Variants in FSTL5 observed in about 807,000 individuals in gnomAD.
FSTL5 encodes the protein follistatin-related protein 5.
Under a neutral mutation model 89.1 loss-of-function variants are expected in FSTL5, and 62 were observed. The observed-to-expected ratio is 0.70, with a 90% CI of 0.57 to 0.86. FSTL5 has a LOEUF of 0.86. FSTL5 is among the 40% of genes least tolerant of loss of function. The pLI, the probability that FSTL5 is intolerant of heterozygous loss-of-function variation, is 0.00. For synonymous variants in FSTL5, 383 were observed against 346.2 expected (o/e 1.11, Z -1.18); for missense variants, 1,057 against 1,001.6 (o/e 1.06, Z -0.75).
chr4:161,903,239 T>C (rs1733422974), intron 4 of FSTL5, among the ~76,000 whole-genome samples: 1 of 152,152 alleles, frequency 6.6e-6, no homozygotes, highest in Admixed American at 6.5e-5. Context: ...TTTTAGCACA[T>C]TTTAAAAGAC....
At chr4:161,400,099 C>T (rs1018757064) in intron 15 of FSTL5, among the ~76,000 whole-genome samples, 5 of 151,878 alleles carry the variant, frequency 3.3e-5, no homozygotes, top group Admixed American at 6.6e-5. Context: ...CTAGACTACA[C>T]GGTTGTTCTG....
At chr4:161,525,361 A>C (rs1731181009) in intron 10 of FSTL5, among the ~76,000 whole-genome samples, 1 of 152,160 alleles carries the variant, frequency 6.6e-6, no homozygotes, top group Non-Finnish European at 1.5e-5. Context: ...CTAACAATAA[A>C]AGCTCTTGTC....
intron 2 of FSTL5, among the ~76,000 whole-genome samples, chr4:162,093,677 C>T (rs1043870854): frequency 1.2e-4 from 19 of 152,146 alleles, no homozygotes; most frequent in African/African-American, 4.3e-4. Flanking sequence ...AACTGGTAAT[C>T]ACTATGTTTC....
chr4:161,658,471 A>G (rs896844979), intron 6 of FSTL5, among the ~76,000 whole-genome samples: 1 of 152,024 alleles, frequency 6.6e-6, no homozygotes, highest in Non-Finnish European at 1.5e-5. Flanking sequence ...AAAAAAAAAA[A>G]TAGGGAATAT....
intron 6 of FSTL5, among the ~76,000 whole-genome samples, chr4:161,684,298 G>A (rs1227111837): frequency 1.3e-5 from 2 of 152,108 alleles, no homozygotes; most frequent in Admixed American, 1.3e-4. Context: ...ACCCAGTAGT[G>A]GGATTGCTGG....
intron 6 of FSTL5, among the ~76,000 whole-genome samples, chr4:161,681,441 G>A (rs1038095539): frequency 2.0e-5 from 3 of 152,006 alleles, no homozygotes; most frequent in Non-Finnish European, 4.4e-5. Context: ...TATTTTCCAT[G>A]ATTGTCATTA....
chr4:161,981,550 T>C (rs1178662915), intron 3 of FSTL5, among the ~76,000 whole-genome samples: 2 of 152,164 alleles, frequency 1.3e-5, no homozygotes, highest in Non-Finnish European at 2.9e-5. Context: ...ATTGACCATA[T>C]TTCTCCCATA....
At chr4:162,115,795 TCCGCA>T (rs1409555057) in intron 1 of FSTL5, among the ~76,000 whole-genome samples, 1 of 152,198 alleles carries the variant, frequency 6.6e-6, no homozygotes, top group Admixed American at 6.5e-5. Flanking sequence ...TTTTATTTTC[TCCGCA>T]TGGCAAAACA....
chr4:161,420,599 A>G (rs1181673374), intron 15 of FSTL5, among the ~76,000 whole-genome samples: 2 of 151,804 alleles, frequency 1.3e-5, no homozygotes, highest in Non-Finnish European at 1.5e-5. Flanking sequence ...AAAAGCCAAT[A>G]CCTGATAATA....
chr4:161,634,529 T>G (rs977158277), intron 7 of FSTL5, among the ~76,000 whole-genome samples: 23 of 152,100 alleles, frequency 1.5e-4, no homozygotes, highest in African/African-American at 5.6e-4. Context: ...GAAAATACAG[T>G]ATAAATATTA....
At chr4:161,570,704 A>C (rs115729073) in intron 8 of FSTL5, among the ~76,000 whole-genome samples, 5,415 of 152,302 alleles carry the variant, frequency 0.036, 321 homozygotes, top group African/African-American at 0.12. Context: ...AAGAAAGACA[A>C]AGAACACTAA....
Position 161,703,102 on chromosome 4 carries a change from C to G in FSTL5, c.728-46608G>C, listed in dbSNP as rs376800860. ...GGACGCAGAGAGAGAGGGTCATCTACAAGCAAAGGAGAGAGGCCTCAGGAG... is the reference window on the plus strand; with the variant it reads ...GGACGCAGAGAGAGAGGGTCATCTAGAAGCAAAGGAGAGAGGCCTCAGGAG... On this transcript the variant is annotated intron_variant, in intron 6 of 15. Coordinates refer to ENST00000306100, the MANE Select transcript of FSTL5 (RefSeq NM_020116.5). Among the ~76,000 whole-genome samples the G allele has an allele frequency of 5.4e-4, 82 of 152,170 alleles. 1 individual carries two copies. The highest frequency in any genetic ancestry group is 6.2e-4 in the South Asian group (3 of 4,832).
At chr4:161,726,624 T>C (rs556733094) in intron 6 of FSTL5, among the ~76,000 whole-genome samples, 3 of 152,122 alleles carry the variant, frequency 2.0e-5, no homozygotes, top group South Asian at 4.1e-4. Flanking sequence ...TTACAGGGGT[T>C]TTAACTGTAT....
At chr4:161,401,415 T>C (rs952940973) in intron 15 of FSTL5, among the ~76,000 whole-genome samples, 1 of 152,252 alleles carries the variant, frequency 6.6e-6, no homozygotes, top group African/African-American at 2.4e-5. Context: ...TGTGTGATTA[T>C]GCTAAATCCA....
chr4:161,458,188 T>A (rs1733432608), intron 14 of FSTL5, among the ~76,000 whole-genome samples: 1 of 152,180 alleles, frequency 6.6e-6, no homozygotes, highest in South Asian at 2.1e-4. Context: ...TGCTCCCAGA[T>A]CACATCAGCA....
intron 3 of FSTL5, among the ~76,000 whole-genome samples, chr4:161,928,949 C>T (rs1034014390): frequency 6.6e-6 from 1 of 151,692 alleles, no homozygotes; most frequent in Admixed American, 6.6e-5. Flanking sequence ...GTTATTGTAA[C>T]TAAAATGTCT....
At chr4:161,772,091 A>T (rs546720607) in intron 5 of FSTL5, among the ~76,000 whole-genome samples, 1 of 152,150 alleles carries the variant, frequency 6.6e-6, no homozygotes, top group African/African-American at 2.4e-5. Flanking sequence ...TTTCTCAAAT[A>T]GACAGGCCTC....
Position 161,417,430 on chromosome 4 carries a change from A to C in FSTL5, c.1842-30981T>G, listed in dbSNP as rs78062532. On this transcript the variant is annotated intron_variant, in intron 15 of 15. Transcript: ENST00000306100. The stretch of plus-strand genomic sequence containing the variant: ...GTAATGTCACCTTACATTTCAGCTA[A>C]ATTTATAGAGTTGCTATTTTATTTA... 3.5e-3 allele frequency among the ~76,000 whole-genome samples: 530 copies of C among 152,328 alleles called. 13 individuals are homozygous for C. In the East Asian group the frequency reaches 0.054, roughly 16 times the overall value.
intron 3 of FSTL5, among the ~76,000 whole-genome samples, chr4:161,964,653 G>T (rs963818127): frequency 4.5e-4 from 69 of 151,984 alleles, no homozygotes; most frequent in African/African-American, 1.7e-3. Context: ...GGTTTATGGT[G>T]TTCTTTCATG....
Sources: allele counts gnomAD v4.1 joint callset (sites outside exome capture counted in the v4.1 genomes callset), GRCh38; gene constraint gnomAD v4.1.1; transcripts MANE v1.5; gene names NCBI Gene and HGNC (gene_info 2026-07-23, HGNC 2026-07-21).